TECPR2: variants seen among roughly 807,000 people sequenced by gnomAD.
TECPR2 encodes the protein tectonin beta-propeller repeat-containing protein 2.
In TECPR2, 65 loss-of-function variants were observed where a neutral mutation model predicts 138.1. That is an observed-to-expected ratio of 0.47 (90% confidence interval 0.39 to 0.58). The LOEUF is 0.58. Ranked by LOEUF, TECPR2 falls within the 20% of genes least tolerant of loss-of-function variation. The pLI, the probability that TECPR2 is intolerant of heterozygous loss-of-function variation, is 0.00. For missense variants in TECPR2, 1,553 were observed against 1,824.5 expected, an observed-to-expected ratio of 0.85 and a Z score of 2.71; for synonymous variants, 746 against 749.8, an observed-to-expected ratio of 0.99 and a Z score of 0.08.
In TECPR2 at chr14:102,502,469, T is replaced by C. The variant is rs947434132; in HGVS notation, c.*4212T>C. The C allele has an allele frequency of 2.6e-5, 4 of 152,656 alleles. No individual in the cohort carries two copies. The highest frequency in any genetic ancestry group is 9.6e-5 in the African/African-American group (4 of 41,462). 9.5% of individuals were successfully genotyped at this position (152,656 alleles called of 1,614,324 possible). A position where few individuals can be genotyped will look rare whatever the true frequency, so the allele number is the denominator to read the frequency against. On this transcript the variant is annotated 3_prime_UTR_variant, in exon 20 of 20. Transcript: ENST00000359520. ...ATTCCAAAAATAAAGCAGATTTACATTTTAAAAATTCAGTTGTCTCTAACT... is the reference window on the plus strand; with the variant it reads ...ATTCCAAAAATAAAGCAGATTTACACTTTAAAAATTCAGTTGTCTCTAACT...
At chr14:102,367,994 CTTTTTTTTTTTTTTTTT>C (rs56325877) in intron 1 of TECPR2, among the ~76,000 whole-genome samples, 4 of 65,808 alleles carry the variant, frequency 6.1e-5, no homozygotes, top group Admixed American at 1.9e-4. Context: ...GCTTATTGGC[CTTTTTTTTTTTTTTTTT>C]TTTTTTTTTT....
intron 4 of TECPR2, 54 bp from the exon 5 acceptor site, chr14:102,414,582 G>A: frequency 6.2e-7 from 1 of 1,601,948 alleles, no homozygotes; most frequent in Non-Finnish European, 8.5e-7. Context: ...CCTAAGGGAG[G>A]TCCATTCTTT....
intron 4 of TECPR2, among the ~76,000 whole-genome samples, chr14:102,413,249 GC>G (rs1179485857): frequency 3.3e-5 from 5 of 151,706 alleles, no homozygotes; most frequent in Admixed American, 3.3e-4. Flanking sequence ...TCTGATCACT[GC>G]CCCCTACTTC....
intron 2 of TECPR2, among the ~76,000 whole-genome samples, chr14:102,401,979 A>T (rs1412034351): frequency 6.6e-6 from 1 of 152,154 alleles, no homozygotes. Context: ...TTCTACAATA[A>T]AAGTTGGAAG....
chr14:102,416,486 C>G (rs1186723419), intron 5 of TECPR2, among the ~76,000 whole-genome samples: 1 of 152,162 alleles, frequency 6.6e-6, no homozygotes, highest in Non-Finnish European at 1.5e-5. Context: ...CCCTTTCGGT[C>G]CCTGGAGAAC....
intron 2 of TECPR2, among the ~76,000 whole-genome samples, 198 bp downstream of exon 2, chr14:102,377,138 C>T (rs902139184): frequency 6.6e-6 from 1 of 152,174 alleles, no homozygotes; most frequent in Non-Finnish European, 1.5e-5. Context: ...CTTTTTCCTG[C>T]CTCCAAAAAT....
At chr14:102,483,163 T>TA (rs1890932685) in intron 17 of TECPR2, among the ~76,000 whole-genome samples, 1 of 152,168 alleles carries the variant, frequency 6.6e-6, no homozygotes, top group African/African-American at 2.4e-5. Context: ...GAAGCCGTTC[T>TA]AACACCTGAT....
chr14:102,377,722 G>T (rs939763152), intron 2 of TECPR2, among the ~76,000 whole-genome samples: 2 of 151,828 alleles, frequency 1.3e-5, no homozygotes, highest in Admixed American at 1.3e-4. Flanking sequence ...AAGAAAGAAA[G>T]AAAAAAAGAG....
chr14:102,429,177 G>T (rs964121645), intron 7 of TECPR2, among the ~76,000 whole-genome samples: 3 of 152,106 alleles, frequency 2.0e-5, no homozygotes, highest in Non-Finnish European at 4.4e-5. Flanking sequence ...AGCATTTACA[G>T]TACATTTCTT....
chr14:102,443,511 G>T lies in TECPR2; in HGVS notation c.2753-136G>T. On this transcript the variant is annotated intron_variant, in intron 11 of 19. Coordinates refer to ENST00000359520, the MANE Select transcript of TECPR2 (RefSeq NM_014844.5). The surrounding 1 kb of genome is among the most constrained non-coding windows in gnomAD (Gnocchi z 4.9). ...ATTTTTAATTAATTAATTAATTAAA[G>T]TTTTTTTTTAAAGCACTCATCATAA... 2.6e-6 allele frequency: 2 copies of T among 763,334 alleles called. No individual in the cohort carries two copies. The highest frequency in any genetic ancestry group is 1.8e-6 in the Non-Finnish European group (1 of 551,304). The allele number at this position is 763,334 out of a possible 1,614,324, so 47.3% of individuals were successfully genotyped here. A position where few individuals can be genotyped will look rare whatever the true frequency, so the allele number is the denominator to read the frequency against.
intron 17 of TECPR2, among the ~76,000 whole-genome samples, chr14:102,481,595 CTCCA>C (rs1890895488): frequency 6.6e-6 from 1 of 152,180 alleles, no homozygotes; most frequent in Admixed American, 6.5e-5. Flanking sequence ...CAGAGTGAGC[CTCCA>C]TCTGTAAAAG....
chr14:102,401,431 C>T (rs1888474225), intron 2 of TECPR2, among the ~76,000 whole-genome samples: 1 of 139,636 alleles, frequency 7.2e-6, no homozygotes, highest in Non-Finnish European at 1.5e-5. Context: ...AAGAGCAAAA[C>T]TCCATCTCAA....
Position 102,408,488 on chromosome 14 carries a change from C to T in TECPR2, c.349C>T (p.Leu117Phe). The T allele has an allele frequency of 1.1e-5, 17 of 1,598,964 alleles. No homozygotes were observed. The highest frequency in any genetic ancestry group is 1.4e-5 in the Non-Finnish European group (16 of 1,176,004). Residue 117 changes from leucine (L) to phenylalanine (F), a missense_variant and splice_region_variant, in exon 4 of 20, where the codon CTT (leucine) becomes TTT (phenylalanine). Coordinates refer to ENST00000359520, the MANE Select transcript of TECPR2 (RefSeq NM_014844.5). Reference sequence around the variant, plus strand: ...GTATATTTTTATCCCTTGTTCATAGCTTCGGAGATTTGATGTCACTGGTAT... The same window carrying T: ...GTATATTTTTATCCCTTGTTCATAGTTTCGGAGATTTGATGTCACTGGTAT... ...VSSLPGRNKQ[L>F]RRFDVTGIHK...
In TECPR2 at chr14:102,465,133, A is replaced by C. The variant is rs775147521; in HGVS notation, c.3641-8A>C. On this transcript the variant is annotated splice_polypyrimidine_tract_variant and splice_region_variant and intron_variant, in intron 16 of 19. Coordinates refer to ENST00000359520, the MANE Select transcript of TECPR2 (RefSeq NM_014844.5). Reference sequence around the variant, plus strand: ...AATTATAGTGTGTGTACTTTTCTTTATCTACAGGAGCTGTAAAATTGACAA... The same window carrying C: ...AATTATAGTGTGTGTACTTTTCTTTCTCTACAGGAGCTGTAAAATTGACAA... 1.6e-5 allele frequency: 26 copies of C among 1,614,110 alleles called. No homozygotes were observed. The highest frequency in any genetic ancestry group is 2.2e-5 in the Non-Finnish European group (26 of 1,180,000).
intron 2 of TECPR2, among the ~76,000 whole-genome samples, chr14:102,387,463 A>C (rs542305744): frequency 1.3e-5 from 2 of 152,168 alleles, no homozygotes; most frequent in Admixed American, 1.3e-4. Context: ...GAAGTTAAAC[A>C]TATGATCCCT....
At chr14:102,438,248 GCCGCTCCTGCTCC>G (rs756308948) in intron 10 of TECPR2, 43 bp downstream of exon 10, 2 of 1,564,544 alleles carry the variant, frequency 1.3e-6, no homozygotes, top group African/African-American at 1.4e-5. Context: ...GCTCCCGCTC[GCCGCTCCTGCTCC>G]CCGCCCCCGG....
At chr14:102,482,391 T>G (rs554697520) in intron 17 of TECPR2, among the ~76,000 whole-genome samples, 1 of 152,282 alleles carries the variant, frequency 6.6e-6, no homozygotes, top group East Asian at 1.9e-4. Context: ...TTCCACACAT[T>G]CAATCCCAAA....
chr14:102,462,706 G>A lies in TECPR2; in HGVS notation c.3641-2435G>A, dbSNP rs370795061. Among the ~76,000 whole-genome samples the A allele has an allele frequency of 2.2e-4, 33 of 152,138 alleles. No individual in the cohort carries two copies. The Middle Eastern group carries it at 0.01, about 47-fold the overall frequency. ...TGGAGCTGCACACCTTTTATTCCCC[G>A]GTTGAAAGTCAAAATAACCCATCAA... On this transcript the variant is annotated intron_variant, in intron 16 of 19. Coordinates refer to ENST00000359520, the MANE Select transcript of TECPR2 (RefSeq NM_014844.5).
chr14:102,407,958 C>T (rs1316268561), intron 3 of TECPR2, among the ~76,000 whole-genome samples: 1 of 151,788 alleles, frequency 6.6e-6, no homozygotes, highest in African/African-American at 2.4e-5. Context: ...GATCACGCCA[C>T]TGCACTCCAG....
Sources: gnomAD v4.1 joint callset for allele counts (sites outside exome capture counted in the v4.1 genomes callset) on GRCh38, gnomAD v4.1.1 for gene constraint, Gnocchi (gnomAD v3.1) non-coding constraint, MANE v1.5 for transcripts, NCBI Gene and HGNC (gene_info 2026-07-23, HGNC 2026-07-21) for gene names.